MACROD2: variants seen among roughly 807,000 people sequenced by gnomAD.
MACROD2 encodes the protein ADP-ribose glycohydrolase MACROD2.
Under a neutral mutation model 70.4 loss-of-function variants are expected in MACROD2, and 36 were observed. The ratio of observed to expected loss-of-function variants is 0.51; its 90% CI spans 0.39 to 0.68. MACROD2 has a LOEUF of 0.68. MACROD2 is among the 30% of genes least tolerant of loss of function. The pLI, the probability that MACROD2 is intolerant of heterozygous loss-of-function variation, is 0.00. For synonymous variants in MACROD2, 172 were observed against 178.8 expected (o/e 0.96, Z 0.30); for missense variants, 496 against 538.4 (o/e 0.92, Z 0.78).
At chr20:14,896,398 C>A (rs6135295) in intron 5 of MACROD2, among the ~76,000 whole-genome samples, 29,067 of 151,948 alleles carry the variant, frequency 0.19, 2,988 homozygotes, top group African/African-American at 0.22. Context: ...AGTCATTATC[C>A]TTGCTTTTAA....
chr20:14,637,027 A>G (rs938829927), intron 4 of MACROD2, among the ~76,000 whole-genome samples: 4 of 152,210 alleles, frequency 2.6e-5, no homozygotes, highest in African/African-American at 9.7e-5. Flanking sequence ...CTGACCTGAG[A>G]TGGTTTTTCA....
At chr20:15,862,495 T>C (rs1304380903) in intron 8 of MACROD2, among the ~76,000 whole-genome samples, 2 of 152,250 alleles carry the variant, frequency 1.3e-5, no homozygotes, top group East Asian at 3.9e-4. Context: ...TATTTCTTAT[T>C]TGATTTATAT....
intron 5 of MACROD2, among the ~76,000 whole-genome samples, chr20:14,973,064 A>T (rs1302385371): frequency 6.6e-6 from 1 of 152,068 alleles, no homozygotes; most frequent in Non-Finnish European, 1.5e-5. Context: ...TTTCATCCTC[A>T]TTATACAGTT....
chr20:14,524,225 A>G (rs2123185469), intron 4 of MACROD2, among the ~76,000 whole-genome samples: 1 of 152,246 alleles, frequency 6.6e-6, no homozygotes, highest in African/African-American at 2.4e-5. Context: ...CTTTCCTTCA[A>G]CTTATTTCAC....
chr20:15,803,310 G>A (rs909593079), intron 8 of MACROD2, among the ~76,000 whole-genome samples: 5 of 152,074 alleles, frequency 3.3e-5, no homozygotes, highest in South Asian at 4.1e-4. Flanking sequence ...ACTTTTGATG[G>A]CTTTAAAATG....
intron 8 of MACROD2, among the ~76,000 whole-genome samples, chr20:15,580,425 G>A (rs1732937830): frequency 6.6e-6 from 1 of 152,094 alleles, no homozygotes; most frequent in Non-Finnish European, 1.5e-5. Flanking sequence ...TGCCGTAACT[G>A]TGGCCTCATT....
chr20:15,452,007 A>G (rs2046650199), intron 7 of MACROD2, among the ~76,000 whole-genome samples: 1 of 152,090 alleles, frequency 6.6e-6, no homozygotes, highest in African/African-American at 2.4e-5. Flanking sequence ...CAGGTTTGAC[A>G]GTGGGTTGAG....
At chr20:15,687,020 A>AT (rs1337135183) in intron 8 of MACROD2, among the ~76,000 whole-genome samples, 5 of 98,230 alleles carry the variant, frequency 5.1e-5, no homozygotes, top group Middle Eastern at 6.3e-3. Flanking sequence ...TTTTTTTTGC[A>AT]TTTTTTTCCA....
chr20:14,016,289 T>C (rs1456074496), intron 2 of MACROD2, among the ~76,000 whole-genome samples: 1 of 152,226 alleles, frequency 6.6e-6, no homozygotes, highest in Non-Finnish European at 1.5e-5. Flanking sequence ...TTGTAGGAAT[T>C]CCTTTGTATG....
intron 7 of MACROD2, among the ~76,000 whole-genome samples, chr20:15,433,208 A>C (rs1347518267): frequency 1.3e-5 from 2 of 152,058 alleles, no homozygotes; most frequent in Non-Finnish European, 2.9e-5. Context: ...AGCCAGAGCA[A>C]TCAGACGAGA....
chr20:15,449,735 G>A (rs994966332), intron 7 of MACROD2, among the ~76,000 whole-genome samples: 5 of 152,088 alleles, frequency 3.3e-5, no homozygotes, highest in Non-Finnish European at 7.4e-5. Flanking sequence ...TCTCATGCCC[G>A]TAATCCCAGC....
intron 4 of MACROD2, among the ~76,000 whole-genome samples, chr20:14,676,332 C>A (rs886158373): frequency 5.9e-5 from 9 of 152,268 alleles, no homozygotes; most frequent in Non-Finnish European, 1.0e-4. Flanking sequence ...TACTCCTCAG[C>A]AAATGCAAAA....
intron 6 of MACROD2, among the ~76,000 whole-genome samples, chr20:15,270,255 A>G (rs2146065145): frequency 6.6e-6 from 1 of 151,952 alleles, no homozygotes; most frequent in East Asian, 1.9e-4. Context: ...ACAGAGCAAT[A>G]GTTAAACATC....
At chr20:14,208,135 C>T (rs948529064) in intron 3 of MACROD2, among the ~76,000 whole-genome samples, 2 of 152,072 alleles carry the variant, frequency 1.3e-5, no homozygotes, top group African/African-American at 4.8e-5. Flanking sequence ...GATGTTGATC[C>T]TGGATGTAGT....
intron 6 of MACROD2, among the ~76,000 whole-genome samples, chr20:15,235,186 AC>A (rs2077003017): frequency 6.6e-6 from 1 of 152,216 alleles, no homozygotes; most frequent in African/African-American, 2.4e-5. Flanking sequence ...TTTGAAAAAA[AC>A]ATAATCTGCA....
chr20:15,926,292 T>G (rs2065488426), intron 10 of MACROD2, among the ~76,000 whole-genome samples: 1 of 152,182 alleles, frequency 6.6e-6, no homozygotes. Flanking sequence ...ATCTACCTCT[T>G]TTTTTCCTGA....
intron 5 of MACROD2, among the ~76,000 whole-genome samples, chr20:15,053,025 C>A (rs1462307915): frequency 6.6e-6 from 1 of 152,198 alleles, no homozygotes; most frequent in African/African-American, 2.4e-5. Flanking sequence ...CAGAGCAACG[C>A]CCTAACTCTC....
intron 8 of MACROD2, among the ~76,000 whole-genome samples, chr20:15,507,402 T>TC (rs1456924785): frequency 1.3e-5 from 2 of 149,298 alleles, no homozygotes; most frequent in African/African-American, 4.9e-5. Context: ...CTTCCTTCCT[T>TC]CTTTCTTTCT....
rs1555788978 is a variant in MACROD2, at chr20:14,409,165, T to TC, written c.272-84312dup. Among the ~76,000 whole-genome samples the TC allele has an allele frequency of 5.2e-4, 79 of 150,664 alleles. 2 individuals carry two copies. Among genetic ancestry groups the TC allele is most frequent in the Admixed American group, 4.0e-3 (61 of 15,074 alleles). On this transcript the variant is annotated intron_variant, in intron 3 of 17. Transcript: ENST00000684519. ...GTTTTGGCTTTTTTTTTTTTTTTTT[T>TC]CCAAACGTATCCCCTAGTGCCATGC...
Sources: allele counts gnomAD v4.1 joint callset (sites outside exome capture counted in the v4.1 genomes callset), GRCh38; gene constraint gnomAD v4.1.1; transcripts MANE v1.5; gene names NCBI Gene and HGNC (gene_info 2026-07-23, HGNC 2026-07-21).